The following NKD1 variants were observed in gnomAD, a reference collection of about 807,000 sequenced individuals.
The protein encoded by NKD1 is protein naked cuticle homolog 1.
In NKD1, 21 loss-of-function variants were observed where a neutral mutation model predicts 56.0. The observed-to-expected ratio is 0.38, with a 90% CI of 0.27 to 0.54. The LOEUF (loss-of-function observed/expected upper bound fraction) is 0.54, where lower values mean the gene tolerates loss of function less well. Among genes scored for constraint, NKD1 ranks in the 20% least tolerant of loss-of-function variants. The probability of loss-of-function intolerance (pLI) is 0.82; values close to 1 mark genes in which losing one functional copy is unlikely to be tolerated. For synonymous variants in NKD1, 263 were observed against 265.7 expected, an observed-to-expected ratio of 0.99 and a Z score of 0.10; for missense variants, 578 against 642.7, an observed-to-expected ratio of 0.90 and a Z score of 1.09.
chr16:50,602,988 T>C (rs1961630177), intron 3 of NKD1, among the ~76,000 whole-genome samples: 1 of 152,290 alleles, frequency 6.6e-6, no homozygotes, highest in South Asian at 2.1e-4. Context: ...GGGTGGACAT[T>C]GAGGCACTGG....
Position 50,645,030 on chromosome 16 carries a change from C to G in NKD1, c.*11249C>G, listed in dbSNP as rs1962649967. ...AAAGAGAGACCCACACTTGGCACTT[C>G]CTGCCCAGAAAGGACCTGCTCAGGC... On this transcript the variant is annotated 3_prime_UTR_variant, in exon 10 of 10. Coordinates refer to ENST00000268459, the MANE Select transcript of NKD1 (RefSeq NM_033119.5). 6.6e-6 allele frequency: 1 copy of G among 152,290 alleles called. No individual in the cohort carries two copies. The highest frequency in any genetic ancestry group is 2.4e-5 in the African/African-American group (1 of 41,474). The allele number at this position is 152,290 out of a possible 1,614,324, so 9.4% of individuals were successfully genotyped here. A position where few individuals can be genotyped will look rare whatever the true frequency, so the allele number is the denominator to read the frequency against.
rs1236618319 is a variant in NKD1 at position 50,638,265 on chromosome 16, G to C, written c.*4484G>C. 1.3e-5 allele frequency: 2 copies of C among 152,212 alleles called. No homozygotes were observed. The highest frequency in any genetic ancestry group is 4.8e-5 in the African/African-American group (2 of 41,412). The allele number at this position is 152,212 out of a possible 1,614,324, so 9.4% of individuals were successfully genotyped here. ...GAGAGGTGCTCAGTACCAGCAGGCT[G>C]TGAATGCTCTCTACCCACCACCCTC... On this transcript the variant is annotated 3_prime_UTR_variant, in exon 10 of 10. Transcript: ENST00000268459.
chr16:50,643,663 A>G lies in NKD1; in HGVS notation c.*9882A>G, dbSNP rs1037078980. 2 of 152,236 alleles carry G rather than the reference A, an allele frequency of 1.3e-5. No homozygotes were observed. The highest frequency in any genetic ancestry group is 1.3e-4 in the Admixed American group (2 of 15,284). 9.4% of individuals were successfully genotyped at this position (152,236 alleles called of 1,614,324 possible). On this transcript the variant is annotated 3_prime_UTR_variant, in exon 10 of 10. Coordinates refer to ENST00000268459, the MANE Select transcript of NKD1 (RefSeq NM_033119.5). ...TGAGTTAGCGCATACTGAACTACTG[A>G]TCCTAGGGGAAATACAGGGTTAGGT...
In NKD1 at chr16:50,645,902, T is replaced by C. The variant is rs1962669233; in HGVS notation, c.*12121T>C. 1 of 152,038 alleles carries C rather than the reference T, an allele frequency of 6.6e-6. No homozygotes were observed. Among genetic ancestry groups the C allele is most frequent in the Admixed American group, 6.6e-5 (1 of 15,254 alleles). 9.4% of individuals were successfully genotyped at this position (152,038 alleles called of 1,614,324 possible). On this transcript the variant is annotated 3_prime_UTR_variant, in exon 10 of 10. Transcript: ENST00000268459. ...TTTCCTCTCTCTGGTAGTTGCTGAA[T>C]TGGCTCTCGTGAAGGCAGAAAGGGA...
rs1173469351 is a variant in NKD1 at position 50,623,058 on chromosome 16, G to A, written c.366+1350G>A. ...AGTTGGGAGAGGGGTGCACAGGGGA[G>A]CCTTTGGGGTGAGAAGGGCCTATCA... On this transcript the variant is annotated intron_variant, in intron 5 of 9. Coordinates refer to ENST00000268459, the MANE Select transcript of NKD1 (RefSeq NM_033119.5). The surrounding 1 kb of genome is among the most constrained non-coding windows in gnomAD (Gnocchi z 4.1). 6.6e-6 allele frequency among the ~76,000 whole-genome samples: 1 copy of A among 152,118 alleles called. No individual in the cohort carries two copies. Among genetic ancestry groups the A allele is most frequent in the East Asian group, 1.9e-4 (1 of 5,144 alleles).
chr16:50,603,539 C>T (rs147238194), intron 3 of NKD1, among the ~76,000 whole-genome samples: 1,795 of 152,348 alleles, frequency 0.012, 41 homozygotes, highest in African/African-American at 0.041. Context: ...TAAGTTGTGC[C>T]GTGTTCTGTG....
chr16:50,570,566 C>T (rs549404460), intron 3 of NKD1, among the ~76,000 whole-genome samples: 55 of 152,336 alleles, frequency 3.6e-4, no homozygotes, highest in African/African-American at 1.3e-3. Flanking sequence ...CTCTGTGTCT[C>T]TGTTTCTTCA....
At chr16:50,581,816 A>G (rs1393993292) in intron 3 of NKD1, among the ~76,000 whole-genome samples, 1 of 152,178 alleles carries the variant, frequency 6.6e-6, no homozygotes, top group East Asian at 1.9e-4. Flanking sequence ...TGGGGAGGGC[A>G]GAATTGTGTG....
rs947690047 is a variant in NKD1, at chr16:50,644,837, C to T, written c.*11056C>T. On this transcript the variant is annotated 3_prime_UTR_variant, in exon 10 of 10. Coordinates refer to ENST00000268459, the MANE Select transcript of NKD1 (RefSeq NM_033119.5). ...GTGAACTTCCCGCCTTCCCTTCCTT[C>T]CCTCCTCCCTCCTTTCTTCACTGGG... 2 of 152,348 alleles carry T rather than the reference C, an allele frequency of 1.3e-5. No homozygotes were observed. The highest frequency in any genetic ancestry group is 2.4e-5 in the African/African-American group (1 of 41,466). The allele number at this position is 152,348 out of a possible 1,614,324, so 9.4% of individuals were successfully genotyped here.
rs1962539920 is a variant in NKD1 at position 50,639,584 on chromosome 16, T to A, written c.*5803T>A. 1 of 152,232 alleles carries A rather than the reference T, an allele frequency of 6.6e-6. No homozygotes were observed. The highest frequency in any genetic ancestry group is 6.5e-5 in the Admixed American group (1 of 15,286). 9.4% of individuals were successfully genotyped at this position (152,232 alleles called of 1,614,324 possible). A position where few individuals can be genotyped will look rare whatever the true frequency, so the allele number is the denominator to read the frequency against. ...GGACCTCCAAAAACTTCATGGATGT[T>A]AGAGCAAGCAGCCATGCTGCAGCAG... On this transcript the variant is annotated 3_prime_UTR_variant, in exon 10 of 10. Coordinates refer to ENST00000268459, the MANE Select transcript of NKD1 (RefSeq NM_033119.5).
intron 4 of NKD1, among the ~76,000 whole-genome samples, chr16:50,609,183 C>T (rs1161326721): frequency 2.6e-5 from 4 of 152,210 alleles, no homozygotes; most frequent in African/African-American, 4.8e-5. Flanking sequence ...GACGCTTAAG[C>T]GTAGAGGGTC....
intron 3 of NKD1, among the ~76,000 whole-genome samples, chr16:50,589,400 G>C (rs186036593): frequency 6.6e-6 from 1 of 152,140 alleles, no homozygotes; most frequent in African/African-American, 2.4e-5. Flanking sequence ...TTAAGCCCAC[G>C]CCTTCCTCAT....
In NKD1 at chr16:50,643,056, A is replaced by T. The variant is rs1962609160; in HGVS notation, c.*9275A>T. ...GGTAGTGGTGGGGATGGGCAGCCTGAAAGCCATGCCAGCAGTGCCTTCCTT... is the reference window on the plus strand; with the variant it reads ...GGTAGTGGTGGGGATGGGCAGCCTGTAAGCCATGCCAGCAGTGCCTTCCTT... On this transcript the variant is annotated 3_prime_UTR_variant, in exon 10 of 10. Transcript: ENST00000268459. 1 of 152,284 alleles carries T rather than the reference A, an allele frequency of 6.6e-6. No homozygotes were observed. Among genetic ancestry groups the T allele is most frequent in the Admixed American group, 6.5e-5 (1 of 15,280 alleles). The allele number at this position is 152,284 out of a possible 1,614,324, so 9.4% of individuals were successfully genotyped here.
chr16:50,616,118 T>G (rs1465990276), intron 4 of NKD1: 1 of 455,738 alleles, frequency 2.2e-6, no homozygotes, highest in Admixed American at 2.3e-5. Flanking sequence ...TTGCAGCAGA[T>G]AATCTGTACG....
chr16:50,579,132 C>T lies in NKD1; in HGVS notation c.193-29162C>T, dbSNP rs369929870. Among the ~76,000 whole-genome samples the T allele has an allele frequency of 2.0e-5, 3 of 151,900 alleles. No homozygotes were observed. The East Asian group carries it at 5.8e-4, about 30-fold the overall frequency. On this transcript the variant is annotated intron_variant, in intron 3 of 9. Transcript: ENST00000268459. ...CCACACATGCACTGTCTTACTCCTGCGGGCTACCCGCAACACACGCACTCT... is the reference window on the plus strand; with the variant it reads ...CCACACATGCACTGTCTTACTCCTGTGGGCTACCCGCAACACACGCACTCT...
At chr16:50,609,400 G>T (rs1961791153) in intron 4 of NKD1, among the ~76,000 whole-genome samples, 1 of 152,216 alleles carries the variant, frequency 6.6e-6, no homozygotes, top group African/African-American at 2.4e-5. Flanking sequence ...CACCAAATGG[G>T]GGGCTGCCTT....
At chr16:50,622,696 C>T (rs938513605) in intron 5 of NKD1, among the ~76,000 whole-genome samples, 7 of 152,186 alleles carry the variant, frequency 4.6e-5, no homozygotes, top group African/African-American at 7.2e-5. Flanking sequence ...AGCATGAGTT[C>T]GTGCGCCTAA....
In NKD1 at chr16:50,641,898, G is replaced by A. The variant is rs963623275; in HGVS notation, c.*8117G>A. The stretch of plus-strand genomic sequence containing the variant: ...CCCAGCAAAGGGTCCCAGGCTGTGT[G>A]AGACCCCGCCCAGCACTCCTTAAAC... On this transcript the variant is annotated 3_prime_UTR_variant, in exon 10 of 10. Coordinates refer to ENST00000268459, the MANE Select transcript of NKD1 (RefSeq NM_033119.5). The A allele has an allele frequency of 5.3e-5, 8 of 152,260 alleles. No homozygotes were observed. Among genetic ancestry groups the A allele is most frequent in the African/African-American group, 1.9e-4 (8 of 41,438 alleles). The allele number at this position is 152,260 out of a possible 1,614,324, so 9.4% of individuals were successfully genotyped here. A position where few individuals can be genotyped will look rare whatever the true frequency, so the allele number is the denominator to read the frequency against.
At chr16:50,629,543 G>C (rs1962297345) in intron 6 of NKD1, among the ~76,000 whole-genome samples, 1 of 152,234 alleles carries the variant, frequency 6.6e-6, no homozygotes, top group Non-Finnish European at 1.5e-5. Flanking sequence ...GGTGCCCACT[G>C]TAAGAGCTTT....
Sources: allele counts gnomAD v4.1 joint callset (sites outside exome capture counted in the v4.1 genomes callset), GRCh38; gene constraint gnomAD v4.1.1; non-coding constraint Gnocchi (gnomAD v3.1); transcripts MANE v1.5; gene names NCBI Gene and HGNC (gene_info 2026-07-23, HGNC 2026-07-21).